Variants in BBLN observed in about 807,000 individuals in gnomAD.
BBLN encodes the protein bublin coiled-coil protein.
Under a neutral mutation model 7.6 loss-of-function variants are expected in BBLN, and 6 were observed. That is an observed-to-expected ratio of 0.79 (90% CI 0.43 to 1.55). BBLN has a LOEUF of 1.55. Among genes scored for constraint, BBLN ranks in the 40% most tolerant of loss-of-function variants. The probability of loss-of-function intolerance (pLI) is 0.01; values close to 1 mark genes in which losing one functional copy is unlikely to be tolerated. For missense variants in BBLN, 100 were observed against 111.1 expected (o/e 0.90, Z 0.45); for synonymous variants, 35 against 46.7 (o/e 0.75, Z 1.02).
chr9:128,161,283 C>T (rs117605453), intron 1 of BBLN, among the ~76,000 whole-genome samples: 2 of 112,130 alleles, frequency 1.8e-5, no homozygotes, highest in Non-Finnish European at 4.1e-5. Context: ...CTTACCCATA[C>T]TGTACAGTTC....
chr9:128,163,647 T>G lies in BBLN; in HGVS notation c.*32T>G. 2 of 1,451,602 alleles carry G rather than the reference T, an allele frequency of 1.4e-6. No individual in the cohort carries two copies. Among genetic ancestry groups the G allele is most frequent in the Non-Finnish European group, 1.8e-6 (2 of 1,095,512 alleles). The allele number at this position is 1,451,602 out of a possible 1,614,324, so 89.9% of individuals were successfully genotyped here. A position where few individuals can be genotyped will look rare whatever the true frequency, so the allele number is the denominator to read the frequency against. ...AGAGCCCCCAACCGGGACCCAACCC[T>G]GCCTCCCTGGGCTAGGCTCTGGCCT... On this transcript the variant is annotated 3_prime_UTR_variant, in exon 2 of 2. Coordinates refer to ENST00000372994, the MANE Select transcript of BBLN (RefSeq NM_024112.4). This position sits in a 1 kb window ranked among gnomAD's most constrained non-coding sequence, Gnocchi z 5.7.
Position 128,160,404 on chromosome 9 carries a change from C to T in BBLN, c.-4C>T, listed in dbSNP as rs556123193. On this transcript the variant is annotated 5_prime_UTR_variant, in exon 1 of 2. Transcript: ENST00000372994. ...GCGCGGCCCTTCGGGCGCCCGAGCCCGCAATGTCGGGCCCCAACGGAGACC... is the reference window on the plus strand; with the variant it reads ...GCGCGGCCCTTCGGGCGCCCGAGCCTGCAATGTCGGGCCCCAACGGAGACC... 30 of 1,255,928 alleles carry T rather than the reference C, an allele frequency of 2.4e-5. No individual in the cohort carries two copies. The African/African-American group carries it at 4.2e-4, about 17-fold the overall frequency. The allele number at this position is 1,255,928 out of a possible 1,614,324, so 77.8% of individuals were successfully genotyped here. A position where few individuals can be genotyped will look rare whatever the true frequency, so the allele number is the denominator to read the frequency against.
intron 1 of BBLN, among the ~76,000 whole-genome samples, chr9:128,161,187 A>G (rs1007933181): frequency 6.6e-6 from 1 of 151,950 alleles, no homozygotes; most frequent in Non-Finnish European, 1.5e-5. Context: ...GCATGTTAAC[A>G]TACACTGAGG....
rs1305484334 is a variant in BBLN at position 128,163,744 on chromosome 9, C to A, written c.*129C>A. 1 of 781,126 alleles carries A rather than the reference C, an allele frequency of 1.3e-6. No homozygotes were observed. The highest frequency in any genetic ancestry group is 1.9e-6 in the Non-Finnish European group (1 of 528,196). The allele number at this position is 781,126 out of a possible 1,614,324, so 48.4% of individuals were successfully genotyped here. Reference sequence around the variant, plus strand: ...AGGGACCCCTGGTGGGTCTGCCTGCCTGGGCCACCCTTCCTGCCTGGGCCT... The same window carrying A: ...AGGGACCCCTGGTGGGTCTGCCTGCATGGGCCACCCTTCCTGCCTGGGCCT... On this transcript the variant is annotated 3_prime_UTR_variant, in exon 2 of 2. Transcript: ENST00000372994. This position sits in a 1 kb window ranked among gnomAD's most constrained non-coding sequence, Gnocchi z 5.7.
At position 128,163,197 on chromosome 9, in the gene BBLN, C is replaced by T. The variant is rs1200388162; in HGVS notation, c.80-246C>T. Among the ~76,000 whole-genome samples the T allele has an allele frequency of 6.6e-6, 1 of 152,202 alleles. No homozygotes were observed. Among genetic ancestry groups the T allele is most frequent in the Non-Finnish European group, 1.5e-5 (1 of 68,036 alleles). The stretch of plus-strand genomic sequence containing the variant: ...CTGGCAGGACTTCCCATGTAGGACA[C>T]TGGCTCGCCACCCTATGACCACCCT... On this transcript the variant is annotated intron_variant, in intron 1 of 1. Coordinates refer to ENST00000372994, the MANE Select transcript of BBLN (RefSeq NM_024112.4). This position sits in a 1 kb window ranked among gnomAD's most constrained non-coding sequence, Gnocchi z 5.7.
Position 128,163,744 on chromosome 9 carries a change from C to T in BBLN, c.*129C>T, listed in dbSNP as rs1305484334. 5.1e-6 allele frequency: 4 copies of T among 781,008 alleles called. No individual in the cohort carries two copies. In the South Asian group the frequency reaches 8.8e-5, roughly 17 times the overall value. The allele number at this position is 781,008 out of a possible 1,614,324, so 48.4% of individuals were successfully genotyped here. ...AGGGACCCCTGGTGGGTCTGCCTGC[C>T]TGGGCCACCCTTCCTGCCTGGGCCT... is the stretch of plus-strand genomic sequence containing the variant. On this transcript the variant is annotated 3_prime_UTR_variant, in exon 2 of 2. Coordinates refer to ENST00000372994, the MANE Select transcript of BBLN (RefSeq NM_024112.4). The surrounding 1 kb of genome is among the most constrained non-coding windows in gnomAD (Gnocchi z 5.7).
At chr9:128,161,773 T>C (rs1250997990) in intron 1 of BBLN, among the ~76,000 whole-genome samples, 3 of 152,132 alleles carry the variant, frequency 2.0e-5, no homozygotes, top group Non-Finnish European at 4.4e-5. Context: ...CCCGAGTAGC[T>C]GGGACTACAG....
chr9:128,162,161 G>C (rs911227411), intron 1 of BBLN: 1 of 152,192 alleles, frequency 6.6e-6, no homozygotes, highest in Admixed American at 6.5e-5. Context: ...TATACCATGA[G>C]GGGGTTGGAC....
At chr9:128,160,637 G>A (rs1829244613) in intron 1 of BBLN, 151 bp downstream of exon 1, 3 of 606,098 alleles carry the variant, frequency 4.9e-6, no homozygotes, top group East Asian at 3.4e-5. Context: ...CGGATGCAGG[G>A]CGAGCACCCG....
At position 128,163,918 on chromosome 9, in the gene BBLN, T is replaced by A. The variant is rs1480088238; in HGVS notation, c.*303T>A. 1 of 338,558 alleles carries A rather than the reference T, an allele frequency of 3.0e-6. No individual in the cohort carries two copies. Among genetic ancestry groups the A allele is most frequent in the Non-Finnish European group, 5.4e-6 (1 of 184,650 alleles). The allele number at this position is 338,558 out of a possible 1,614,324, so 21.0% of individuals were successfully genotyped here. A position where few individuals can be genotyped will look rare whatever the true frequency, so the allele number is the denominator to read the frequency against. Reference sequence around the variant, plus strand: ...CTTGAGTGTCCACATTAAATGGGTCTCCCACACCGCTGTGCCTCTCTCCTC... The same window carrying A: ...CTTGAGTGTCCACATTAAATGGGTCACCCACACCGCTGTGCCTCTCTCCTC... On this transcript the variant is annotated 3_prime_UTR_variant, in exon 2 of 2. Transcript: ENST00000372994. This position sits in a 1 kb window ranked among gnomAD's most constrained non-coding sequence, Gnocchi z 5.7.
At chr9:128,161,120 A>C (rs1433364123) in intron 1 of BBLN, among the ~76,000 whole-genome samples, 1 of 147,794 alleles carries the variant, frequency 6.8e-6, no homozygotes, top group Non-Finnish European at 1.5e-5. Flanking sequence ...AGGTTCTAGC[A>C]TGCAAGAGTT....
intron 1 of BBLN, among the ~76,000 whole-genome samples, chr9:128,161,417 T>C (rs886520188): frequency 6.6e-6 from 1 of 152,182 alleles, no homozygotes. Flanking sequence ...AAGTGGATGT[T>C]GGCAGACAGG....
rs749892045 is a variant in BBLN at position 128,160,366 on chromosome 9, G to A, written c.-42G>A. The A allele has an allele frequency of 7.0e-5, 83 of 1,182,368 alleles. No individual in the cohort carries two copies. Among genetic ancestry groups the A allele is most frequent in the Non-Finnish European group, 8.1e-5 (76 of 935,270 alleles). 73.2% of individuals were successfully genotyped at this position (1,182,368 alleles called of 1,614,324 possible). A position where few individuals can be genotyped will look rare whatever the true frequency, so the allele number is the denominator to read the frequency against. ...GCCGGCTTTCGGCGCGACGGTCGCC[G>A]CGTTCCATCGTCGCGCGGCCCTTCG... On this transcript the variant is annotated 5_prime_UTR_variant, in exon 1 of 2. Transcript: ENST00000372994.
In BBLN at chr9:128,163,424, T is replaced by C; in HGVS notation, c.80-19T>C. On this transcript the variant is annotated intron_variant, in intron 1 of 1. Coordinates refer to ENST00000372994, the MANE Select transcript of BBLN (RefSeq NM_024112.4). This position sits in a 1 kb window ranked among gnomAD's most constrained non-coding sequence, Gnocchi z 5.7. ...AAGGAGACACAGGATCTGGGCTCTG[T>C]CTTTCGCCTTCCTCCCAGAATACGC... 1 of 1,526,356 alleles carries C rather than the reference T, an allele frequency of 6.6e-7. No homozygotes were observed. The highest frequency in any genetic ancestry group is 2.4e-5 in the East Asian group (1 of 42,156). 94.6% of individuals were successfully genotyped at this position (1,526,356 alleles called of 1,614,324 possible).
rs532014523 is a variant in BBLN, at chr9:128,163,541, C to T, written c.178C>T (p.Leu60=). The T allele has an allele frequency of 3.1e-6, 5 of 1,611,382 alleles. No homozygotes were observed. The South Asian group carries it at 4.4e-5, about 14-fold the overall frequency. Residue 60 remains leucine (L), a synonymous_variant, in exon 2 of 2, where the codon CTG becomes TTG. Transcript: ENST00000372994. The surrounding 1 kb of genome is among the most constrained non-coding windows in gnomAD (Gnocchi z 5.7). ...CCTCCACGCCCGCCTCCAGGAGCTG[C>T]TGGAGTCCAACCGGCAGACACGCCT... ...DHLHARLQEL[L]ESNRQTRLEF...
At position 128,160,366 on chromosome 9, in the gene BBLN, G is replaced by T. The variant is rs749892045; in HGVS notation, c.-42G>T. 5.1e-6 allele frequency: 6 copies of T among 1,182,372 alleles called. No individual in the cohort carries two copies. Among genetic ancestry groups the T allele is most frequent in the Non-Finnish European group, 6.4e-6 (6 of 935,274 alleles). The allele number at this position is 1,182,372 out of a possible 1,614,324, so 73.2% of individuals were successfully genotyped here. A position where few individuals can be genotyped will look rare whatever the true frequency, so the allele number is the denominator to read the frequency against. ...GCCGGCTTTCGGCGCGACGGTCGCC[G>T]CGTTCCATCGTCGCGCGGCCCTTCG... On this transcript the variant is annotated 5_prime_UTR_variant, in exon 1 of 2. Transcript: ENST00000372994.
Position 128,163,516 on chromosome 9 carries a change from C to T in BBLN, c.153C>T (p.His51=). 2 of 1,612,638 alleles carry T rather than the reference C, an allele frequency of 1.2e-6. No homozygotes were observed. Among genetic ancestry groups the T allele is most frequent in the Non-Finnish European group, 1.7e-6 (2 of 1,179,130 alleles). The change falls in exon 2 of 2, where the codon CAC becomes CAT. Residue 51 remains histidine, a synonymous_variant. Coordinates refer to ENST00000372994, the MANE Select transcript of BBLN (RefSeq NM_024112.4). The surrounding 1 kb of genome is among the most constrained non-coding windows in gnomAD (Gnocchi z 5.7). ...CLDHLEEKND[H]LHARLQELLE... is the part of the protein sequence containing the mutation. ...ACCACCTGGAGGAGAAGAATGACCA[C>T]CTCCACGCCCGCCTCCAGGAGCTGC... is the stretch of plus-strand genomic sequence containing the variant.
At chr9:128,161,273 C>T (rs1285489485) in intron 1 of BBLN, among the ~76,000 whole-genome samples, 5 of 21,190 alleles carry the variant, frequency 2.4e-4, no homozygotes, top group Non-Finnish European at 5.5e-3. Context: ...AGCTATACAA[C>T]TTACCCATAC....
intron 1 of BBLN, among the ~76,000 whole-genome samples, chr9:128,160,689 C>G (rs1158074675): frequency 1.3e-5 from 2 of 152,248 alleles, no homozygotes; most frequent in African/African-American, 4.8e-5. Context: ...GGTCACCAGT[C>G]CCGTTTTACA....
Sources: gnomAD v4.1 joint callset for allele counts (sites outside exome capture counted in the v4.1 genomes callset) on GRCh38, gnomAD v4.1.1 for gene constraint, Gnocchi (gnomAD v3.1) non-coding constraint, MANE v1.5 for transcripts, NCBI Gene and HGNC (gene_info 2026-07-23, HGNC 2026-07-21) for gene names.